MRPS28: variants seen among roughly 807,000 people sequenced by gnomAD.
MRPS28 encodes small ribosomal subunit protein bS1m.
A neutral mutation model predicts 10.8 loss-of-function variants in MRPS28; 7 were observed. The ratio of observed to expected loss-of-function variants is 0.65; its 90% CI spans 0.37 to 1.22. MRPS28 has a LOEUF of 1.22. Among genes scored for constraint, MRPS28 ranks in the 50% most tolerant of loss-of-function variants. The pLI is 0.02. For synonymous variants in MRPS28, 121 were observed against 93.3 expected, an observed-to-expected ratio of 1.30 and a Z score of -1.71; for missense variants, 265 against 232.9, an observed-to-expected ratio of 1.14 and a Z score of -0.90.
At chr8:80,005,141 C>A (rs1304001766) in intron 1 of MRPS28, among the ~76,000 whole-genome samples, 1 of 152,114 alleles carries the variant, frequency 6.6e-6, no homozygotes, top group Non-Finnish European at 1.5e-5. Context: ...GAGAACGCCA[C>A]AAAGATACTC....
intron 2 of MRPS28, among the ~76,000 whole-genome samples, chr8:79,973,707 C>T (rs1807702816): frequency 6.6e-6 from 1 of 151,918 alleles, no homozygotes; most frequent in Admixed American, 6.6e-5. Context: ...CAGCAACTCC[C>T]ATGGGTGTTT....
intron 1 of MRPS28, among the ~76,000 whole-genome samples, chr8:80,020,772 T>C (rs1809336468): frequency 1.3e-5 from 2 of 152,006 alleles, no homozygotes; most frequent in African/African-American, 4.8e-5. Context: ...TAAAAAGACA[T>C]AGGAAATTTG....
chr8:80,020,688 A>T (rs1809334040), intron 1 of MRPS28, among the ~76,000 whole-genome samples: 1 of 152,208 alleles, frequency 6.6e-6, no homozygotes, highest in East Asian at 1.9e-4. Context: ...CCAGAAGGGA[A>T]GCAGTGTTAT....
At chr8:79,939,107 C>T (rs1287763016) in intron 2 of MRPS28, among the ~76,000 whole-genome samples, 1 of 152,120 alleles carries the variant, frequency 6.6e-6, no homozygotes, top group African/African-American at 2.4e-5. Context: ...GGTTTAGTTA[C>T]CTCACCCAAC....
intron 1 of MRPS28, among the ~76,000 whole-genome samples, chr8:80,004,103 G>A (rs1300009432): frequency 2.0e-5 from 3 of 152,326 alleles, no homozygotes; most frequent in Non-Finnish European, 2.9e-5. Flanking sequence ...CTCTGTAGAC[G>A]TAAATGTCCC....
intron 2 of MRPS28, among the ~76,000 whole-genome samples, chr8:79,928,436 G>A (rs551296134): frequency 6.6e-6 from 1 of 151,172 alleles, no homozygotes; most frequent in South Asian, 2.1e-4. Flanking sequence ...CCCCCAATTT[G>A]GAGTATATAT....
chr8:79,968,233 T>C (rs1807547655), intron 2 of MRPS28, among the ~76,000 whole-genome samples: 1 of 152,162 alleles, frequency 6.6e-6, no homozygotes, highest in Non-Finnish European at 1.5e-5. Flanking sequence ...TAGCTTCAAT[T>C]TCCATAATTT....
intron 1 of MRPS28, among the ~76,000 whole-genome samples, chr8:80,011,514 G>T (rs1310782145): frequency 6.6e-6 from 1 of 151,968 alleles, no homozygotes; most frequent in Non-Finnish European, 1.5e-5. Context: ...AGCACTATGG[G>T]AGGCCAAGGT....
intron 2 of MRPS28, among the ~76,000 whole-genome samples, chr8:79,925,252 A>C (rs1373890774): frequency 2.6e-5 from 4 of 152,142 alleles, no homozygotes; most frequent in Non-Finnish European, 4.4e-5. Flanking sequence ...AAAAAAAAAA[A>C]AACTAATGAT....
chr8:79,919,022 C>T lies in MRPS28; in HGVS notation c.522G>A (p.Glu174=), dbSNP rs1364570852. The T allele has an allele frequency of 3.1e-6, 5 of 1,591,224 alleles. No individual in the cohort carries two copies. Among genetic ancestry groups the T allele is most frequent in the Admixed American group, 1.8e-5 (1 of 55,180 alleles). ...EANAVLLGIQ[E]SKDSRSKEEH... ...CTTCTTTCGATCTTGAGTCTTTACTCTCCTGGATTCCCAAGAGAACTGCAT... is the reference window on the plus strand; with the variant it reads ...CTTCTTTCGATCTTGAGTCTTTACTTTCCTGGATTCCCAAGAGAACTGCAT... Residue 174 remains glutamate (E), a synonymous_variant, in exon 3 of 3, where the codon GAG becomes GAA. Transcript: ENST00000276585.
chr8:79,978,218 G>A (rs1245222518), intron 2 of MRPS28, among the ~76,000 whole-genome samples: 2 of 152,138 alleles, frequency 1.3e-5, no homozygotes, highest in African/African-American at 4.8e-5. Context: ...GTGATAGGGT[G>A]AAACAAATTG....
chr8:79,971,423 G>A (rs1010093275), intron 2 of MRPS28, among the ~76,000 whole-genome samples: 7 of 152,080 alleles, frequency 4.6e-5, no homozygotes, highest in Non-Finnish European at 1.0e-4. Flanking sequence ...AAAAACAGCT[G>A]TGCATTCATC....
intron 1 of MRPS28, among the ~76,000 whole-genome samples, chr8:80,017,017 T>C (rs1041280712): frequency 6.6e-6 from 1 of 152,110 alleles, no homozygotes; most frequent in African/African-American, 2.4e-5. Flanking sequence ...TCATGCCACA[T>C]GAAACAGTCA....
In MRPS28 at chr8:79,920,861, C is replaced by T. The variant is rs1015178997; in HGVS notation, c.396-1713G>A. On this transcript the variant is annotated intron_variant, in intron 2 of 2. Transcript: ENST00000276585. Reference sequence around the variant, plus strand: ...TGGTGTTTTAGACATGAAGTCCTTGCGCATGCCTATGTCCTGAATAGTATT... The same window carrying T: ...TGGTGTTTTAGACATGAAGTCCTTGTGCATGCCTATGTCCTGAATAGTATT... Among the ~76,000 whole-genome samples the T allele has an allele frequency of 1.1e-4, 17 of 152,274 alleles. 1 individual carries two copies. The highest frequency in any genetic ancestry group is 1.4e-4 in the African/African-American group (6 of 41,554).
intron 2 of MRPS28, chr8:79,957,248 G>A (rs1463116653): frequency 3.3e-5 from 5 of 151,792 alleles, no homozygotes; most frequent in Non-Finnish European, 7.4e-5. Context: ...CTTTCCCCAT[G>A]GCCCAAAGTC....
chr8:79,934,802 G>A (rs1000340643), intron 2 of MRPS28, among the ~76,000 whole-genome samples: 1 of 151,948 alleles, frequency 6.6e-6, no homozygotes, highest in African/African-American at 2.4e-5. Flanking sequence ...TGAACAAGTG[G>A]GTTAAGAAAC....
chr8:79,936,700 TAAAC>T (rs1361130894), intron 2 of MRPS28, among the ~76,000 whole-genome samples: 2 of 152,204 alleles, frequency 1.3e-5, no homozygotes, highest in Admixed American at 6.5e-5. Context: ...ATATAGTTAA[TAAAC>T]AAAAATGTTA....
intron 2 of MRPS28, among the ~76,000 whole-genome samples, chr8:79,989,536 G>A (rs1430961482): frequency 6.6e-6 from 1 of 152,136 alleles, no homozygotes; most frequent in Non-Finnish European, 1.5e-5. Context: ...AAGCTACACT[G>A]TTTTTCTAAA....
intron 2 of MRPS28, among the ~76,000 whole-genome samples, chr8:79,937,784 T>A (rs954795444): frequency 1.3e-5 from 2 of 152,276 alleles, no homozygotes; most frequent in Non-Finnish European, 2.9e-5. Flanking sequence ...TATTCTCTGA[T>A]ACTTTACTTT....
Sources: allele counts gnomAD v4.1 joint callset (sites outside exome capture counted in the v4.1 genomes callset), GRCh38; gene constraint gnomAD v4.1.1; transcripts MANE v1.5; gene names NCBI Gene and HGNC (gene_info 2026-07-23, HGNC 2026-07-21).